OSBPL10: variants seen among roughly 807,000 people sequenced by gnomAD.
OSBPL10 encodes oxysterol-binding protein-related protein 10.
In OSBPL10, 49 loss-of-function variants were observed where a neutral mutation model predicts 81.7. That is an observed-to-expected ratio of 0.60 (90% CI 0.48 to 0.76). The LOEUF is 0.76. Ranked by LOEUF, OSBPL10 falls within the 30% of genes least tolerant of loss-of-function variation. The pLI is 0.00. For synonymous variants in OSBPL10, 419 were observed against 383.6 expected (o/e 1.09, Z -1.08); for missense variants, 923 against 987.8 (o/e 0.93, Z 0.88).
At position 31,662,041 on chromosome 3, in the gene OSBPL10, C is replaced by G; in HGVS notation, c.*31G>C. On this transcript the variant is annotated 3_prime_UTR_variant, in exon 12 of 12. Transcript: ENST00000396556. Reference sequence around the variant, plus strand: ...CTTTAATATTCCTACAAAAACAGGGCTATACTGGAAAGCTCTGCACCTCCA... The same window carrying G: ...CTTTAATATTCCTACAAAAACAGGGGTATACTGGAAAGCTCTGCACCTCCA... The G allele has an allele frequency of 6.2e-7, 1 of 1,611,666 alleles. No homozygotes were observed. Among genetic ancestry groups the G allele is most frequent in the Non-Finnish European group, 8.5e-7 (1 of 1,179,040 alleles).
At chr3:31,761,827 A>AAAAAAAAAAAAAAAAAAAAAAAAC (rs996116489) in intron 4 of OSBPL10, among the ~76,000 whole-genome samples, 1 of 149,434 alleles carries the variant, frequency 6.7e-6, no homozygotes, top group African/African-American at 2.6e-5. Context: ...AAAAAAAAAA[A>AAAAAAAAAAAAAAAAAAAAAAAAC]AAAACCCTAA....
intron 4 of OSBPL10, among the ~76,000 whole-genome samples, chr3:31,761,805 A>G (rs1698049350): frequency 7.5e-6 from 1 of 132,518 alleles, no homozygotes; most frequent in Non-Finnish European, 1.6e-5. Flanking sequence ...ACAGAGCAAG[A>G]CTGTCTCTAA....
At position 31,664,167 on chromosome 3, in the gene OSBPL10, T is replaced by A; in HGVS notation, c.2162A>T (p.Lys721Met). 1.2e-6 allele frequency: 2 copies of A among 1,613,664 alleles called. No homozygotes were observed. The highest frequency in any genetic ancestry group is 1.7e-6 in the Non-Finnish European group (2 of 1,179,990). The change falls in exon 11 of 12, where the codon AAG becomes ATG. Residue 721 changes from lysine to methionine, a missense_variant. This residue lies in a region of OSBPL10 where 387 missense variants were observed against 436.3 expected (regional missense o/e 0.89). Coordinates refer to ENST00000396556, the MANE Select transcript of OSBPL10 (RefSeq NM_017784.5). ...LGDIDAATEQ[K>M]RHLEEKQRVE... Reference sequence around the variant, plus strand: ...CCGTTGCTTCTCCTCCAGGTGCCGCTTCTGCTCGGTGGCTGCGTCAATGTC... The same window carrying A: ...CCGTTGCTTCTCCTCCAGGTGCCGCATCTGCTCGGTGGCTGCGTCAATGTC...
At chr3:32,001,319 C>T (rs1192488130) in intron 2 of OSBPL10, among the ~76,000 whole-genome samples, 1 of 152,208 alleles carries the variant, frequency 6.6e-6, no homozygotes, top group Non-Finnish European at 1.5e-5. Context: ...TTAACCCCTA[C>T]AGTCTTGCTG....
intron 1 of OSBPL10, among the ~76,000 whole-genome samples, chr3:31,910,464 G>A (rs929359291): frequency 6.6e-6 from 1 of 151,846 alleles, no homozygotes. Context: ...GTGAAACCCT[G>A]TCTCTACGAA....
chr3:31,719,851 AAATAT>A (rs1239993917), intron 6 of OSBPL10, among the ~76,000 whole-genome samples: 1 of 152,000 alleles, frequency 6.6e-6, no homozygotes, highest in Non-Finnish European at 1.5e-5. Flanking sequence ...TTGTTAAATA[AAATAT>A]AATACATAAC....
chr3:31,866,147 C>T (rs993237092), intron 3 of OSBPL10, among the ~76,000 whole-genome samples: 8 of 152,160 alleles, frequency 5.3e-5, no homozygotes, highest in Non-Finnish European at 1.2e-4. Context: ...GCGGGAGGAA[C>T]AATTAAACAG....
At chr3:31,919,465 TCCAA>T (rs1696852134) in intron 1 of OSBPL10, 1 of 152,154 alleles carries the variant, frequency 6.6e-6, no homozygotes, top group Admixed American at 6.5e-5. Context: ...AGACTGGAAA[TCCAA>T]CCAACAGAGA....
intron 4 of OSBPL10, among the ~76,000 whole-genome samples, chr3:31,759,025 T>C (rs563054702): frequency 3.0e-4 from 46 of 152,036 alleles, no homozygotes; most frequent in African/African-American, 1.0e-3. Context: ...CTATGAAGAG[T>C]GAAGAAAAAA....
intron 1 of OSBPL10, among the ~76,000 whole-genome samples, chr3:31,969,870 G>GAA (rs58507991): frequency 8.8e-6 from 1 of 113,890 alleles, no homozygotes; most frequent in African/African-American, 3.2e-5. Context: ...AACAAAAAAA[G>GAA]AAAAAAAAAA....
At chr3:31,981,662 C>G (rs533742715), upstream of OSBPL10, 1 of 154,356 alleles carries the variant, frequency 6.5e-6, no homozygotes, top group Non-Finnish European at 1.4e-5. This position sits in a 1 kb window ranked among gnomAD's most constrained non-coding sequence, Gnocchi z 4.5. Flanking sequence ...CTCCCCACCC[C>G]TTATCCACCT....
At chr3:32,057,195 G>C (rs879403933) in intron 1 of OSBPL10, among the ~76,000 whole-genome samples, 1 of 152,154 alleles carries the variant, frequency 6.6e-6, no homozygotes, top group Non-Finnish European at 1.5e-5. Context: ...ACTCAGTAGA[G>C]CAGCCCATGC....
chr3:31,952,854 G>A (rs72852977), intron 1 of OSBPL10, among the ~76,000 whole-genome samples: 25,762 of 151,936 alleles, frequency 0.17, 2,634 homozygotes, highest in South Asian at 0.27. Flanking sequence ...TGTGGCTGTC[G>A]GGGAAGGGTC....
chr3:31,714,120 T>C (rs1424724998), intron 6 of OSBPL10: 3 of 152,320 alleles, frequency 2.0e-5, no homozygotes, highest in East Asian at 3.9e-4. Context: ...GATGGGGCAC[T>C]GAGAGCAGTT....
chr3:31,759,646 T>A (rs1371328237), intron 4 of OSBPL10, among the ~76,000 whole-genome samples: 2 of 152,184 alleles, frequency 1.3e-5, no homozygotes, highest in African/African-American at 4.8e-5. Flanking sequence ...TAAAAACTTA[T>A]CTAATACACC....
At chr3:31,855,890 A>C (rs533515185) in intron 3 of OSBPL10, among the ~76,000 whole-genome samples, 4 of 152,148 alleles carry the variant, frequency 2.6e-5, no homozygotes, top group Admixed American at 2.6e-4. Flanking sequence ...AAATCACCCC[A>C]CAAGGTTCTA....
intron 4 of OSBPL10, among the ~76,000 whole-genome samples, chr3:31,772,845 T>C (rs192858407): frequency 1.4e-4 from 22 of 152,348 alleles, no homozygotes; most frequent in African/African-American, 5.0e-4. Flanking sequence ...GAGGATAGAC[T>C]GTATTTTTAA....
At chr3:32,023,509 A>G (rs769559389) in intron 2 of OSBPL10, among the ~76,000 whole-genome samples, 5 of 152,208 alleles carry the variant, frequency 3.3e-5, no homozygotes, top group Non-Finnish European at 5.9e-5. Context: ...TAATACAGCT[A>G]GATAGGTGCC....
intron 1 of OSBPL10, among the ~76,000 whole-genome samples, chr3:31,906,482 C>T (rs1308138895): frequency 6.6e-6 from 1 of 152,188 alleles, no homozygotes; most frequent in Admixed American, 6.5e-5. Context: ...CTTTCATTAT[C>T]ATCCTCCCTA....
Sources: allele counts gnomAD v4.1 joint callset (sites outside exome capture counted in the v4.1 genomes callset), GRCh38; gene constraint gnomAD v4.1.1; regional missense constraint gnomAD v4.1.1; non-coding constraint Gnocchi (gnomAD v3.1); transcripts MANE v1.5; gene names NCBI Gene and HGNC (gene_info 2026-07-23, HGNC 2026-07-21).